Variants in MYO9B observed in about 807,000 individuals in gnomAD.
MYO9B encodes unconventional myosin-IXb.
A neutral mutation model predicts 229.5 loss-of-function variants in MYO9B; 71 were observed. The ratio of observed to expected loss-of-function variants is 0.31; its 90% confidence interval spans 0.26 to 0.38. The LOEUF is 0.38. MYO9B is among the 10% of genes least tolerant of loss of function. The pLI, the probability that MYO9B is intolerant of heterozygous loss-of-function variation, is 1.00. For synonymous variants in MYO9B, 1,185 were observed against 1,235.8 expected, an observed-to-expected ratio of 0.96 and a Z score of 0.86; for missense variants, 2,255 against 2,920.5, an observed-to-expected ratio of 0.77 and a Z score of 5.25.
chr19:17,154,196 G>A (rs2072512908), intron 5 of MYO9B, 119 bp from the exon 6 acceptor site: 4 of 1,326,806 alleles, frequency 3.0e-6, no homozygotes, highest in Non-Finnish European at 4.3e-6. Flanking sequence ...AGCATTAAAA[G>A]AACCCATTCA....
At chr19:17,110,376 T>C (rs1461986726) in intron 2 of MYO9B, among the ~76,000 whole-genome samples, 2 of 152,172 alleles carry the variant, frequency 1.3e-5, no homozygotes, top group Non-Finnish European at 1.5e-5. Flanking sequence ...AGCCTCCCAG[T>C]GCAGGCGCCC....
intron 16 of MYO9B, chr19:17,184,575 G>A: frequency 2.8e-6 from 1 of 353,040 alleles, no homozygotes; most frequent in Non-Finnish European, 5.3e-6. Flanking sequence ...AGGTTCAGTA[G>A]CACTGGCTTC....
At position 17,193,355 on chromosome 19, in the gene MYO9B, G is replaced by A. The variant is rs898627330; in HGVS notation, c.3128+293G>A. 3.9e-5 allele frequency among the ~76,000 whole-genome samples: 6 copies of A among 152,296 alleles called. 1 individual carries two copies. In the South Asian group the frequency reaches 6.2e-4, roughly 16 times the overall value. ...TCGGTCAGGGAACACCTGGATTCAG[G>A]GTTGGAGGGGCTGCCTGGACCAGCC... On this transcript the variant is annotated intron_variant, in intron 21 of 39. Coordinates refer to ENST00000682292, the MANE Select transcript of MYO9B (RefSeq NM_004145.4). The surrounding 1 kb of genome is among the most constrained non-coding windows in gnomAD (Gnocchi z 4.3).
intron 27 of MYO9B, 33 bp from the exon 28 acceptor site, chr19:17,202,097 A>C: frequency 6.2e-7 from 1 of 1,612,368 alleles, no homozygotes; most frequent in South Asian, 1.1e-5. Flanking sequence ...CCCCTTGCCC[A>C]GGCCTGCAGG....
Position 17,162,992 on chromosome 19 carries a change from T to A in MYO9B, c.1541T>A (p.Leu514Gln), listed in dbSNP as rs1416881727. 6.2e-7 allele frequency: 1 copy of A among 1,609,950 alleles called. No individual in the cohort carries two copies. Among genetic ancestry groups the A allele is most frequent in the East Asian group, 2.2e-5 (1 of 44,826 alleles). Reference protein sequence around the residue: ...KKDVEEAVSCLSIGVLDIFGF... With the variant: ...KKDVEEAVSCQSIGVLDIFGF... Reference sequence around the variant, plus strand: ...CATTTTCTCTGTCTCTCCCAGTGCCTGTCCATTGGGGTCCTGGACATCTTC... The same window carrying A: ...CATTTTCTCTGTCTCTCCCAGTGCCAGTCCATTGGGGTCCTGGACATCTTC... The change falls in exon 10 of 40, where the codon CTG becomes CAG. Residue 514 changes from leucine (L) to glutamine (Q), a missense_variant. Leu to Gln is a moderately radical substitution (Grantham distance 113). Coordinates refer to ENST00000682292, the MANE Select transcript of MYO9B (RefSeq NM_004145.4).
At chr19:17,151,002 G>A (rs1201063238) in intron 3 of MYO9B, among the ~76,000 whole-genome samples, 1 of 146,832 alleles carries the variant, frequency 6.8e-6, no homozygotes, top group East Asian at 1.9e-4. Flanking sequence ...TGGTAAGGCC[G>A]GGCGCAGTGG....
intron 2 of MYO9B, among the ~76,000 whole-genome samples, chr19:17,107,126 T>A (rs892255748): frequency 6.6e-6 from 1 of 152,076 alleles, no homozygotes; most frequent in Non-Finnish European, 1.5e-5. Context: ...GTCTCAGCTC[T>A]CAGGAGCTTG....
chr19:17,190,533 G>A (rs1329790132), intron 19 of MYO9B, among the ~76,000 whole-genome samples: 9 of 150,478 alleles, frequency 6.0e-5, no homozygotes, highest in Non-Finnish European at 1.3e-4. Flanking sequence ...AGCTTCCAGG[G>A]AGACTGAGGC....
chr19:17,130,767 G>A (rs904561464), intron 2 of MYO9B, among the ~76,000 whole-genome samples: 2 of 144,158 alleles, frequency 1.4e-5, no homozygotes. Context: ...AGCAAGACTT[G>A]GTCTCAAAAA....
In MYO9B at chr19:17,117,171, A is replaced by G. The variant is rs879417225; in HGVS notation, c.840+14614A>G. 2.8e-4 allele frequency among the ~76,000 whole-genome samples: 42 copies of G among 152,144 alleles called. 1 individual carries two copies. Among genetic ancestry groups the G allele is most frequent in the Admixed American group, 2.4e-3 (37 of 15,268 alleles). ...ATGGAGACAGGGGACCCATCTGTCT[A>G]TCGGCGATGTCAGCCTCAATGTTTG... On this transcript the variant is annotated intron_variant, in intron 2 of 39. Coordinates refer to ENST00000682292, the MANE Select transcript of MYO9B (RefSeq NM_004145.4).
In MYO9B at chr19:17,205,349, G is replaced by T. The variant is rs2073148576; in HGVS notation, c.5064+13G>T. On this transcript the variant is annotated intron_variant, in intron 31 of 39. Coordinates refer to ENST00000682292, the MANE Select transcript of MYO9B (RefSeq NM_004145.4). ...CTACGGGAGGAAGGTGAGTGTACGA[G>T]GCCTGGAACTTTCTACAATGACACT... 6.2e-7 allele frequency: 1 copy of T among 1,612,042 alleles called. No individual in the cohort carries two copies. Among genetic ancestry groups the T allele is most frequent in the East Asian group, 2.2e-5 (1 of 44,850 alleles).
intron 38 of MYO9B, 127 bp from the exon 39 acceptor site, chr19:17,211,520 C>G: frequency 1.1e-6 from 1 of 883,184 alleles, no homozygotes; most frequent in South Asian, 1.8e-5. Context: ...AGCAATCCTC[C>G]TGCTTGGGGT....
intron 1 of MYO9B, among the ~76,000 whole-genome samples, chr19:17,092,270 G>A (rs534425749): frequency 6.6e-6 from 1 of 152,330 alleles, no homozygotes; most frequent in African/African-American, 2.4e-5. Context: ...CCCAAAGCCC[G>A]CCAGCTGGGA....
chr19:17,148,623 G>A lies in MYO9B; in HGVS notation c.935+3132G>A, dbSNP rs1010434635. ...TTTGGAGACGGAATCTCACCCTGTC[G>A]CCCAGGCTGGAGTGCAGTGGTACTA... On this transcript the variant is annotated intron_variant, in intron 3 of 39. Transcript: ENST00000682292. Among the ~76,000 whole-genome samples, 5 of 151,980 alleles carry A rather than the reference G, an allele frequency of 3.3e-5. 1 individual carries two copies. The highest frequency in any genetic ancestry group is 4.2e-4 in the South Asian group (2 of 4,796).
chr19:17,176,261 C>A (rs1020176118), intron 14 of MYO9B, among the ~76,000 whole-genome samples: 1 of 152,152 alleles, frequency 6.6e-6, no homozygotes, highest in African/African-American at 2.4e-5. Flanking sequence ...TGGTCTTGAT[C>A]TCCTGACCTC....
rs1427101150 is a variant in MYO9B, at chr19:17,144,986, A to AG, written c.841-411_841-410insG. Among the ~76,000 whole-genome samples the AG allele has an allele frequency of 1.9e-4, 28 of 150,194 alleles. No individual in the cohort carries two copies. In the East Asian group the frequency reaches 5.5e-3, roughly 30 times the overall value. On this transcript the variant is annotated intron_variant, in intron 2 of 39. Coordinates refer to ENST00000682292, the MANE Select transcript of MYO9B (RefSeq NM_004145.4). ...CTTCATCTCAAAAAAAAAAAAAAAA[A>AG]AAAAAGAAAAAGAAAAAATAGAGAC...
At chr19:17,118,247 G>T (rs2057925794) in intron 2 of MYO9B, among the ~76,000 whole-genome samples, 1 of 151,860 alleles carries the variant, frequency 6.6e-6, no homozygotes, top group Non-Finnish European at 1.5e-5. Context: ...GAGTACAATT[G>T]AAAATCTGGT....
chr19:17,210,190 G>A, intron 36 of MYO9B, 143 bp from the exon 37 acceptor site: 1 of 764,896 alleles, frequency 1.3e-6, no homozygotes, highest in Non-Finnish European at 2.1e-6. Context: ...CACAGTGCAG[G>A]GGTGTGTTAG....
At chr19:17,202,919 G>A (rs2073123809) in intron 29 of MYO9B, 36 bp downstream of exon 29, 1 of 1,586,126 alleles carries the variant, frequency 6.3e-7, no homozygotes. Flanking sequence ...GTCCGAGCAG[G>A]CGAACATTGG....
Sources: gnomAD v4.1 joint callset for allele counts (sites outside exome capture counted in the v4.1 genomes callset) on GRCh38, gnomAD v4.1.1 for gene constraint, Gnocchi (gnomAD v3.1) non-coding constraint, MANE v1.5 for transcripts, NCBI Gene and HGNC (gene_info 2026-07-23, HGNC 2026-07-21) for gene names.